MALRD1: variants seen among roughly 807,000 people sequenced by gnomAD.
MALRD1 encodes the protein MAM and LDL receptor class A domain containing 1, also known as MAM and LDL-receptor class A domain-containing protein 1.
A neutral mutation model predicts 242.1 loss-of-function variants in MALRD1; 247 were observed. That is an observed-to-expected ratio of 1.02 (90% CI 0.92 to 1.13). MALRD1 has a LOEUF of 1.13. Ranked by LOEUF, MALRD1 falls within the 50% of genes most tolerant of loss-of-function variation. The probability of loss-of-function intolerance (pLI) is 0.00; values close to 1 mark genes in which losing one functional copy is unlikely to be tolerated. For synonymous variants in MALRD1, 995 were observed against 866.6 expected, an observed-to-expected ratio of 1.15 and a Z score of -2.60; for missense variants, 2,989 against 2,533.1, an observed-to-expected ratio of 1.18 and a Z score of -3.86.
chr10:19,346,393 G>T (rs185009007), intron 24 of MALRD1, among the ~76,000 whole-genome samples: 89 of 152,150 alleles, frequency 5.8e-4, no homozygotes, highest in African/African-American at 1.9e-3. Context: ...AATCATTTTT[G>T]CCCTCATTTG....
chr10:19,420,982 C>T (rs147231421), intron 28 of MALRD1, among the ~76,000 whole-genome samples: 21 of 152,196 alleles, frequency 1.4e-4, no homozygotes, highest in Admixed American at 7.9e-4. Context: ...CCCTGAGTAC[C>T]CTCTCTTACA....
intron 38 of MALRD1, among the ~76,000 whole-genome samples, chr10:19,705,001 T>G (rs546756771): frequency 9.9e-5 from 15 of 152,086 alleles, no homozygotes; most frequent in African/African-American, 3.6e-4. Context: ...GAAAGAAAGG[T>G]GATTAGGATC....
At chr10:19,604,009 C>T (rs1045241448) in intron 34 of MALRD1, among the ~76,000 whole-genome samples, 4 of 152,076 alleles carry the variant, frequency 2.6e-5, no homozygotes, top group African/African-American at 7.2e-5. Flanking sequence ...ATAGCTTCTA[C>T]GTATTCAAGT....
At chr10:19,469,224 C>T (rs1182739459) in intron 29 of MALRD1, among the ~76,000 whole-genome samples, 2 of 152,000 alleles carry the variant, frequency 1.3e-5, no homozygotes, top group East Asian at 1.9e-4. Flanking sequence ...ATAAGATGTT[C>T]CCCTTAGTTA....
intron 36 of MALRD1, among the ~76,000 whole-genome samples, chr10:19,645,378 G>C (rs1437369670): frequency 3.3e-5 from 5 of 152,136 alleles, no homozygotes; most frequent in Non-Finnish European, 5.9e-5. Context: ...CCATTACTGG[G>C]TATATACCCA....
At chr10:19,492,539 G>A (rs1324130741) in intron 30 of MALRD1, among the ~76,000 whole-genome samples, 1 of 152,126 alleles carries the variant, frequency 6.6e-6, no homozygotes, top group Admixed American at 6.6e-5. Context: ...TGTCTTACTA[G>A]AGATGGTGTC....
chr10:19,315,955 G>A (rs2132009811), intron 21 of MALRD1, among the ~76,000 whole-genome samples: 1 of 149,852 alleles, frequency 6.7e-6, no homozygotes, highest in East Asian at 2.0e-4. Flanking sequence ...ATATACCTAT[G>A]AATTTACTCA....
chr10:19,418,138 T>C (rs1833581411), intron 28 of MALRD1, among the ~76,000 whole-genome samples: 1 of 152,138 alleles, frequency 6.6e-6, no homozygotes, highest in Non-Finnish European at 1.5e-5. Context: ...TGTAGATCAA[T>C]TGACCTGTCT....
chr10:19,281,963 C>CAAAAAAA (rs149370838), intron 20 of MALRD1, among the ~76,000 whole-genome samples: 4 of 79,864 alleles, frequency 5.0e-5, no homozygotes, highest in Admixed American at 1.6e-4. Context: ...ACGATGTCTC[C>CAAAAAAA]AAAAAAAAAA....
At chr10:19,172,181 ATATACATATATACACATATATATATG>A (rs1835042025) in intron 13 of MALRD1, among the ~76,000 whole-genome samples, 1 of 136,522 alleles carries the variant, frequency 7.3e-6, no homozygotes, top group South Asian at 2.2e-4. Flanking sequence ...ACATACATAT[ATATACATATATACACATATATATATG>A]TATATGTATA....
chr10:19,535,916 A>G (rs552673162), intron 32 of MALRD1, among the ~76,000 whole-genome samples: 1 of 152,160 alleles, frequency 6.6e-6, no homozygotes, highest in Non-Finnish European at 1.5e-5. Flanking sequence ...AACCCTTCAG[A>G]GGGGATGTGG....
chr10:19,357,509 A>G (rs1016922418), intron 26 of MALRD1, among the ~76,000 whole-genome samples: 2 of 152,114 alleles, frequency 1.3e-5, no homozygotes, highest in African/African-American at 4.8e-5. Flanking sequence ...TTGCTTTGGC[A>G]AAATTATATT....
At position 19,283,045 on chromosome 10, in the gene MALRD1, A is replaced by G. The variant is rs1588846296; in HGVS notation, c.3283A>G (p.Arg1095Gly). The G allele has an allele frequency of 5.2e-6, 8 of 1,547,944 alleles. No homozygotes were observed. The highest frequency in any genetic ancestry group is 7.0e-6 in the Non-Finnish European group (8 of 1,145,484). ...TATGGAAGTTTGCAGCTTTGAGAAA[A>G]GAAGCCTGTGTAAATGGTATCAACC... is the stretch of plus-strand genomic sequence containing the variant. ...CVMEVCSFEK[R>G]SLCKWYQPIP... The change falls in exon 21 of 40, where the codon AGA (arginine) becomes GGA (glycine). Residue 1095 changes from arginine to glycine, a missense_variant. Arg to Gly is a moderately radical substitution (Grantham distance 125, BLOSUM62 -2). Coordinates refer to ENST00000454679, the MANE Select transcript of MALRD1 (RefSeq NM_001142308.3).
At chr10:19,703,642 C>A (rs184413691) in intron 38 of MALRD1, among the ~76,000 whole-genome samples, 14 of 152,292 alleles carry the variant, frequency 9.2e-5, no homozygotes, top group African/African-American at 3.4e-4. Context: ...CATTGGTAAT[C>A]CCAGCATTTT....
intron 28 of MALRD1, among the ~76,000 whole-genome samples, chr10:19,398,592 A>G (rs1413918326): frequency 6.6e-6 from 1 of 152,162 alleles, no homozygotes; most frequent in Non-Finnish European, 1.5e-5. Context: ...TGAAGAAAAT[A>G]CCAGAACTTT....
At chr10:19,347,521 T>C (rs917531835) in intron 24 of MALRD1, among the ~76,000 whole-genome samples, 2 of 151,578 alleles carry the variant, frequency 1.3e-5, no homozygotes. Context: ...AGGAAATGTG[T>C]GTAATGCTAA....
chr10:19,353,876 G>A (rs1318878541), intron 26 of MALRD1, among the ~76,000 whole-genome samples: 1 of 151,846 alleles, frequency 6.6e-6, no homozygotes, highest in Non-Finnish European at 1.5e-5. Context: ...GGTTTTGTTT[G>A]TTTGTTTGTT....
intron 36 of MALRD1, among the ~76,000 whole-genome samples, chr10:19,674,798 T>G (rs1368255998): frequency 6.6e-6 from 1 of 152,100 alleles, no homozygotes; most frequent in South Asian, 2.1e-4. Context: ...TTCTATTGAC[T>G]TGCAGCCATT....
At chr10:19,081,559 A>C (rs1835491869) in intron 2 of MALRD1, among the ~76,000 whole-genome samples, 1 of 152,118 alleles carries the variant, frequency 6.6e-6, no homozygotes, top group Non-Finnish European at 1.5e-5. Flanking sequence ...GTGGGAACTG[A>C]ATGATGAGAA....
Sources: allele counts gnomAD v4.1 joint callset (sites outside exome capture counted in the v4.1 genomes callset), GRCh38; gene constraint gnomAD v4.1.1; transcripts MANE v1.5; gene names NCBI Gene and HGNC (gene_info 2026-07-23, HGNC 2026-07-21).